LTBP1: variants seen among roughly 807,000 people sequenced by gnomAD.
The protein encoded by LTBP1 is latent transforming growth factor beta binding protein 1, also known as latent-transforming growth factor beta-binding protein 1.
Under a neutral mutation model 207.6 loss-of-function variants are expected in LTBP1, and 129 were observed. The ratio of observed to expected loss-of-function variants is 0.62; its 90% CI spans 0.54 to 0.72. The LOEUF (loss-of-function observed/expected upper bound fraction) is 0.72, where lower values mean the gene tolerates loss of function less well. Ranked by LOEUF, LTBP1 falls within the 30% of genes least tolerant of loss-of-function variation. The probability of loss-of-function intolerance (pLI) is 0.00; values close to 1 mark genes in which losing one functional copy is unlikely to be tolerated. For missense variants in LTBP1, 2,281 were observed against 2,217.2 expected (o/e 1.03, Z -0.58); for synonymous variants, 963 against 833.7 (o/e 1.16, Z -2.67).
intron 5 of LTBP1, among the ~76,000 whole-genome samples, chr2:33,169,432 A>T (rs1248041265): frequency 6.6e-6 from 1 of 152,230 alleles, no homozygotes; most frequent in African/African-American, 2.4e-5. Flanking sequence ...AGATATTTAG[A>T]TAACAGTTGA....
chr2:33,106,776 A>G (rs946242122), intron 3 of LTBP1, among the ~76,000 whole-genome samples: 2 of 152,222 alleles, frequency 1.3e-5, no homozygotes, highest in Non-Finnish European at 2.9e-5. Flanking sequence ...TTGGAATGGT[A>G]AATGAGCATT....
intron 22 of LTBP1, among the ~76,000 whole-genome samples, chr2:33,307,549 A>G (rs1462854121): frequency 1.3e-5 from 2 of 152,236 alleles, no homozygotes; most frequent in Non-Finnish European, 2.9e-5. Flanking sequence ...AAAAGGAGTG[A>G]GAGGGAATGT....
intron 32 of LTBP1, among the ~76,000 whole-genome samples, chr2:33,395,368 G>A (rs1574157486): frequency 2.0e-5 from 3 of 152,172 alleles, no homozygotes; most frequent in South Asian, 2.1e-4. Context: ...TACTTCATAC[G>A]TGAGAAAAAT....
At chr2:33,004,929 A>G (rs1055263109) in intron 2 of LTBP1, among the ~76,000 whole-genome samples, 3 of 151,726 alleles carry the variant, frequency 2.0e-5, no homozygotes, top group African/African-American at 7.3e-5. Flanking sequence ...TTGCATTTGT[A>G]TTTGATAGTA....
intron 3 of LTBP1, among the ~76,000 whole-genome samples, chr2:33,070,982 T>C (rs2077758205): frequency 6.6e-6 from 1 of 152,214 alleles, no homozygotes; most frequent in Non-Finnish European, 1.5e-5. Context: ...CCTTGCTAGA[T>C]GTATGAGAAA....
At chr2:33,376,675 A>G (rs188720977) in intron 31 of LTBP1, among the ~76,000 whole-genome samples, 1 of 152,360 alleles carries the variant, frequency 6.6e-6, no homozygotes, top group East Asian at 1.9e-4. Context: ...GAAAAAATAA[A>G]TAGGACCTTT....
chr2:33,149,336 G>A (rs2083331430), intron 5 of LTBP1, among the ~76,000 whole-genome samples: 1 of 150,980 alleles, frequency 6.6e-6, no homozygotes, highest in South Asian at 2.1e-4. Flanking sequence ...GCTCCTTAGA[G>A]CAGCCTTCTT....
At chr2:33,227,732 AT>A (rs1224456575) in intron 9 of LTBP1, among the ~76,000 whole-genome samples, 4 of 150,624 alleles carry the variant, frequency 2.7e-5, no homozygotes, top group Non-Finnish European at 3.0e-5. Context: ...CAGAGGCCCA[AT>A]TTTTAAAAAA....
chr2:33,050,547 G>C (rs1442755232), intron 3 of LTBP1, among the ~76,000 whole-genome samples: 1 of 151,862 alleles, frequency 6.6e-6, no homozygotes, highest in African/African-American at 2.4e-5. Context: ...AGAGAACTCT[G>C]CTTTAAAAAA....
chr2:33,258,774 T>C (rs2092930654), intron 12 of LTBP1, among the ~76,000 whole-genome samples: 1 of 152,222 alleles, frequency 6.6e-6, no homozygotes, highest in South Asian at 2.1e-4. Context: ...TCTGGTACCC[T>C]GATTGCTTTC....
chr2:33,268,058 A>C (rs888465153), intron 15 of LTBP1, among the ~76,000 whole-genome samples: 1 of 152,228 alleles, frequency 6.6e-6, no homozygotes, highest in African/African-American at 2.4e-5. Flanking sequence ...TTCTGTAGTA[A>C]AAGAATATTT....
chr2:33,202,883 C>G (rs372425419), intron 7 of LTBP1, among the ~76,000 whole-genome samples: 37 of 152,332 alleles, frequency 2.4e-4, no homozygotes, highest in East Asian at 2.1e-3. Context: ...TACTAGACAT[C>G]TGTCTTCTTG....
chr2:33,136,406 A>T (rs1324272176), intron 5 of LTBP1, among the ~76,000 whole-genome samples: 1 of 152,186 alleles, frequency 6.6e-6, no homozygotes, highest in Non-Finnish European at 1.5e-5. Context: ...AATAAATGGG[A>T]TTGTATTTAA....
chr2:33,260,615 A>T (rs1425051080), intron 13 of LTBP1, among the ~76,000 whole-genome samples: 1 of 152,236 alleles, frequency 6.6e-6, no homozygotes, highest in African/African-American at 2.4e-5. Flanking sequence ...ACAATTTTGG[A>T]GTGATAGCAC....
At chr2:33,060,893 T>A (rs369993556) in intron 3 of LTBP1, among the ~76,000 whole-genome samples, 7 of 152,130 alleles carry the variant, frequency 4.6e-5, no homozygotes, top group Admixed American at 1.3e-4. Context: ...AAAATTATAT[T>A]ACTTTTTTTT....
In LTBP1 at chr2:33,352,867, A is replaced by G. The variant is rs532350088; in HGVS notation, c.4000+5357A>G. On this transcript the variant is annotated intron_variant, in intron 26 of 33. Coordinates refer to ENST00000404816, the MANE Select transcript of LTBP1 (RefSeq NM_206943.4). Reference sequence around the variant, plus strand: ...ACTCCTCATACCTACATCCAAGCCCATGCCCTGCTCATGGTTACCCCAAAC... The same window carrying G: ...ACTCCTCATACCTACATCCAAGCCCGTGCCCTGCTCATGGTTACCCCAAAC... 2.9e-3 allele frequency among the ~76,000 whole-genome samples: 439 copies of G among 151,700 alleles called. 1 individual carries two copies. Among genetic ancestry groups the G allele is most frequent in the African/African-American group, 0.01 (426 of 41,328 alleles).
chr2:33,215,655 G>T (rs1158774992), intron 7 of LTBP1, among the ~76,000 whole-genome samples: 3 of 151,256 alleles, frequency 2.0e-5, no homozygotes, highest in Non-Finnish European at 2.9e-5. Context: ...TGGACCTTCT[G>T]TCACCACACT....
In LTBP1 at chr2:33,156,716, T is replaced by C. The variant is rs181867036; in HGVS notation, c.1201+21756T>C. On this transcript the variant is annotated intron_variant, in intron 5 of 33. Coordinates refer to ENST00000404816, the MANE Select transcript of LTBP1 (RefSeq NM_206943.4). ...CAACTATATATATAACAATTGAACA[T>C]ATTTTAACATATTATAAAATAGAAG... 2.7e-4 allele frequency among the ~76,000 whole-genome samples: 41 copies of C among 151,694 alleles called. No individual in the cohort carries two copies. The East Asian group carries it at 7.2e-3, about 27-fold the overall frequency.
At chr2:33,260,959 A>G (rs1039345347) in intron 13 of LTBP1, among the ~76,000 whole-genome samples, 4 of 152,198 alleles carry the variant, frequency 2.6e-5, no homozygotes, top group Admixed American at 6.5e-5. Flanking sequence ...AGTACGAAAA[A>G]TGCAATCATA....
Sources: gnomAD v4.1 joint callset for allele counts (sites outside exome capture counted in the v4.1 genomes callset) on GRCh38, gnomAD v4.1.1 for gene constraint, MANE v1.5 for transcripts, NCBI Gene and HGNC (gene_info 2026-07-23, HGNC 2026-07-21) for gene names.